The following ARFGEF2 variants were observed in gnomAD, a reference collection of about 807,000 sequenced individuals.
ARFGEF2 encodes the protein ARF guanine nucleotide exchange factor 2, also known as brefeldin A-inhibited guanine nucleotide-exchange protein 2.
Under a neutral mutation model 219.9 loss-of-function variants are expected in ARFGEF2, and 74 were observed. The observed-to-expected ratio is 0.34, with a 90% confidence interval of 0.28 to 0.41. The LOEUF is 0.41. Ranked by LOEUF, ARFGEF2 falls within the 10% of genes least tolerant of loss-of-function variation. The pLI, the probability that ARFGEF2 is intolerant of heterozygous loss-of-function variation, is 1.00. For missense variants in ARFGEF2, 1,743 were observed against 2,218.3 expected (o/e 0.79, Z 4.30); for synonymous variants, 733 against 799.2 (o/e 0.92, Z 1.40).
At chr20:48,972,503 C>A in intron 11 of ARFGEF2, 78 bp downstream of exon 11, 1 of 1,113,526 alleles carries the variant, frequency 9.0e-7, no homozygotes, top group Non-Finnish European at 1.4e-6. Flanking sequence ...GACTTCTAAC[C>A]CCTCCTTTTA....
intron 34 of ARFGEF2, 38 bp from the exon 35 acceptor site, chr20:49,023,013 G>A (rs1380901650): frequency 6.2e-7 from 1 of 1,613,438 alleles, no homozygotes; most frequent in Non-Finnish European, 8.5e-7. Flanking sequence ...AGTATTGGCT[G>A]AATCATTATT....
chr20:48,988,798 G>A, intron 18 of ARFGEF2, 136 bp downstream of exon 18: 1 of 854,154 alleles, frequency 1.2e-6, no homozygotes, highest in South Asian at 1.7e-5. Context: ...ATTAATTATT[G>A]TGATTATGTT....
chr20:49,026,077 G>A (rs147787976), intron 36 of ARFGEF2, among the ~76,000 whole-genome samples: 19 of 152,138 alleles, frequency 1.2e-4, no homozygotes, highest in Admixed American at 4.6e-4. Flanking sequence ...GCTCACGCCT[G>A]TAATCCCAGC....
At chr20:48,961,890 A>C (rs1206585740) in intron 6 of ARFGEF2, among the ~76,000 whole-genome samples, 1 of 151,442 alleles carries the variant, frequency 6.6e-6, no homozygotes, top group Non-Finnish European at 1.5e-5. Context: ...TAATAAATAC[A>C]TAAACTAGCC....
chr20:49,006,857 A>G (rs1600539003), intron 26 of ARFGEF2, among the ~76,000 whole-genome samples: 1 of 151,862 alleles, frequency 6.6e-6, no homozygotes, highest in Admixed American at 6.6e-5. Context: ...GCTCTCTGTG[A>G]AAGATGGAAG....
At chr20:48,922,643 C>G (rs1600577242) in intron 1 of ARFGEF2, among the ~76,000 whole-genome samples, 2 of 152,252 alleles carry the variant, frequency 1.3e-5, no homozygotes, top group African/African-American at 4.8e-5. Flanking sequence ...GTATCCCTTG[C>G]GCTTGCAACA....
chr20:49,025,260 C>T (rs1271381026), intron 35 of ARFGEF2, 53 bp from the exon 36 acceptor site: 4 of 1,565,382 alleles, frequency 2.6e-6, no homozygotes, highest in Non-Finnish European at 3.5e-6. Flanking sequence ...TCACAATGCC[C>T]AGAGCATTCC....
chr20:48,943,329 G>A (rs1321662435), intron 3 of ARFGEF2, among the ~76,000 whole-genome samples: 3 of 152,158 alleles, frequency 2.0e-5, no homozygotes, highest in Admixed American at 2.0e-4. Flanking sequence ...AGGTGCATTT[G>A]CAAGTATAGC....
intron 8 of ARFGEF2, among the ~76,000 whole-genome samples, chr20:48,968,316 G>A (rs544872026): frequency 6.6e-6 from 1 of 151,808 alleles, no homozygotes; most frequent in South Asian, 2.1e-4. Context: ...TTTATGTTTT[G>A]CTTTTAAATG....
intron 23 of ARFGEF2, among the ~76,000 whole-genome samples, chr20:48,996,403 G>A (rs555648233): frequency 2.7e-5 from 4 of 148,246 alleles, no homozygotes; most frequent in Non-Finnish European, 4.5e-5. Context: ...TGCAGTGAGC[G>A]GAGATGGTGC....
At chr20:49,025,260 C>G in intron 35 of ARFGEF2, 53 bp from the exon 36 acceptor site, 1 of 1,565,382 alleles carries the variant, frequency 6.4e-7, no homozygotes, top group Non-Finnish European at 8.7e-7. Flanking sequence ...TCACAATGCC[C>G]AGAGCATTCC....
intron 14 of ARFGEF2, among the ~76,000 whole-genome samples, chr20:48,984,318 T>G (rs1470325598): frequency 6.6e-6 from 1 of 152,126 alleles, no homozygotes; most frequent in East Asian, 1.9e-4. Flanking sequence ...AAAGCAGACT[T>G]CCCACCTGAG....
At chr20:49,014,587 A>G (rs1304705055) in intron 30 of ARFGEF2, among the ~76,000 whole-genome samples, 2 of 152,104 alleles carry the variant, frequency 1.3e-5, no homozygotes, top group Non-Finnish European at 2.9e-5. Context: ...CCAAAATTAG[A>G]GTTAATGTTT....
chr20:48,980,192 C>A (rs1035091755), intron 14 of ARFGEF2, among the ~76,000 whole-genome samples: 1 of 152,158 alleles, frequency 6.6e-6, no homozygotes, highest in Non-Finnish European at 1.5e-5. Flanking sequence ...TCTTTGTTCT[C>A]CTTGGTTCCA....
In ARFGEF2 at chr20:48,953,662, A is replaced by G. The variant is rs2091086629; in HGVS notation, c.710A>G (p.Gln237Arg). 4 of 1,614,234 alleles carry G rather than the reference A, an allele frequency of 2.5e-6. No homozygotes were observed. Among genetic ancestry groups the G allele is most frequent in the Non-Finnish European group, 2.5e-6 (3 of 1,180,044 alleles). ...AAGTTCGTTCGTTTGAAGCACAGTC[A>G]GGCACAAAGCAAACCAACAACTCCC... is the stretch of plus-strand genomic sequence containing the variant. ...SPKFVRLKHSQAQSKPTTPEK... is the reference protein window; with the variant it reads ...SPKFVRLKHSRAQSKPTTPEK... Residue 237 changes from glutamine to arginine, a missense_variant, in exon 6 of 39, where the codon CAG (glutamine) becomes CGG (arginine). This residue lies in a region of ARFGEF2 where 394 missense variants were observed against 426.6 expected (regional missense o/e 0.92). Transcript: ENST00000371917.
rs912810386 is a variant in ARFGEF2 at position 48,984,936 on chromosome 20, A to G, written c.2070+96A>G. On this transcript the variant is annotated intron_variant, in intron 15 of 38. Transcript: ENST00000371917. The stretch of plus-strand genomic sequence containing the variant: ...CTCGAGATTGTCTGGCCCTAAGTAC[A>G]TTGTCTGTTGTCCACCCCCGGGTTA... 146 of 1,595,048 alleles carry G rather than the reference A, an allele frequency of 9.2e-5. No individual in the cohort carries two copies. In the South Asian group the frequency reaches 9.9e-4, roughly 11 times the overall value.
At chr20:49,011,831 ATGTGTGTGTG>A in intron 27 of ARFGEF2, 83 bp from the exon 28 acceptor site, 1 of 1,112,746 alleles carries the variant, frequency 9.0e-7, no homozygotes, top group Non-Finnish European at 1.3e-6. Context: ...TCTCTGATGT[ATGTGTGTGTG>A]TGTGTGTGTG....
At chr20:49,010,117 G>C in intron 26 of ARFGEF2, 115 bp from the exon 27 acceptor site, 1 of 1,312,352 alleles carries the variant, frequency 7.6e-7, no homozygotes, top group Non-Finnish European at 1.1e-6. Context: ...CCCAAATGTG[G>C]ATTGCTGTGT....
intron 1 of ARFGEF2, 135 bp downstream of exon 1, chr20:48,922,145 T>TC (rs2090846243): frequency 2.9e-6 from 4 of 1,356,664 alleles, no homozygotes; most frequent in Non-Finnish European, 3.9e-6. Context: ...GGCCTCCTCC[T>TC]CATTATACCC....
Sources: allele counts gnomAD v4.1 joint callset (sites outside exome capture counted in the v4.1 genomes callset), GRCh38; gene constraint gnomAD v4.1.1; regional missense constraint gnomAD v4.1.1; transcripts MANE v1.5; gene names NCBI Gene and HGNC (gene_info 2026-07-23, HGNC 2026-07-21).